The following PLEKHG6 variants were observed in gnomAD, a reference collection of about 807,000 sequenced individuals.
The protein encoded by PLEKHG6 is pleckstrin homology domain-containing family G member 6.
A neutral mutation model predicts 97.5 loss-of-function variants in PLEKHG6; 91 were observed. The ratio of observed to expected loss-of-function variants is 0.93; its 90% confidence interval spans 0.79 to 1.11. PLEKHG6 has a LOEUF of 1.11. Ranked by LOEUF, PLEKHG6 falls within the 50% of genes most tolerant of loss-of-function variation. PLEKHG6 has a pLI of 0.00. For missense variants in PLEKHG6, 1,044 were observed against 1,031.0 expected (o/e 1.01, Z -0.17); for synonymous variants, 466 against 425.5 (o/e 1.10, Z -1.17).
intron 13 of PLEKHG6, among the ~76,000 whole-genome samples, chr12:6,323,984 G>GC (rs1363641215): frequency 1.4e-4 from 21 of 152,094 alleles, no homozygotes; most frequent in Admixed American, 1.2e-3. Context: ...GAATCTAGGA[G>GC]CCACCCCAGA....
rs1438656919 is a variant in PLEKHG6, at chr12:6,318,854, T to C, written c.1385T>C (p.Val462Ala). ...IRPPLMLEKL[V>A]CQPLRDPNSF... ...CCCCCTCTCATGCTGGAGAAGCTCG[T>C]GTGCCAACCCCTGCGAGACCCCAGT... Residue 462 changes from valine to alanine, a missense_variant, in exon 12 of 16, where the codon GTG becomes GCG. Physicochemically the swap from Val to Ala is moderately conservative, Grantham distance 64. Coordinates refer to ENST00000684764, the MANE Select transcript of PLEKHG6 (RefSeq NM_001384598.1). The C allele has an allele frequency of 6.2e-7, 1 of 1,614,236 alleles. No homozygotes were observed. Among genetic ancestry groups the C allele is most frequent in the South Asian group, 1.1e-5 (1 of 91,086 alleles).
Position 6,319,454 on chromosome 12 carries a change from A to G in PLEKHG6, c.1524+346A>G, listed in dbSNP as rs1245197753. On this transcript the variant is annotated intron_variant, in intron 13 of 15. Coordinates refer to ENST00000684764, the MANE Select transcript of PLEKHG6 (RefSeq NM_001384598.1). ...CAGAGTGAGACCCTGAAGAAGAAGG[A>G]AAAAAAAAAGAATGTAGGAAGGAAG... 33 of 1,147,014 alleles carry G rather than the reference A, an allele frequency of 2.9e-5. 1 individual carries two copies. The South Asian group carries it at 5.4e-4, about 19-fold the overall frequency. 71.1% of individuals were successfully genotyped at this position (1,147,014 alleles called of 1,614,324 possible).
chr12:6,316,254 G>A lies in PLEKHG6; in HGVS notation c.607-1G>A, dbSNP rs778526014. On this transcript the variant is annotated splice_acceptor_variant, in intron 6 of 15. Coordinates refer to ENST00000684764, the MANE Select transcript of PLEKHG6 (RefSeq NM_001384598.1). LOFTEE classifies it high-confidence loss of function. The surrounding 1 kb of genome is among the most constrained non-coding windows in gnomAD (Gnocchi z 4.1). ...CTGCTCAGCTCTGCTCCCTCCTCCA[G>A]GTGTCAGCTGAGACCCTGTTTGGAA... The A allele has an allele frequency of 1.9e-6, 3 of 1,550,716 alleles. No homozygotes were observed. The East Asian group carries it at 7.2e-5, about 37-fold the overall frequency.
intron 3 of PLEKHG6, 33 bp from the exon 4 acceptor site, chr12:6,314,972 G>A (rs779446110): frequency 1.0e-5 from 16 of 1,604,646 alleles, no homozygotes; most frequent in Non-Finnish European, 1.3e-5. Flanking sequence ...CCAAGGATGT[G>A]ACCAGAGCTG....
At position 6,316,010 on chromosome 12, in the gene PLEKHG6, C is replaced by T; in HGVS notation, c.606+91C>T. Reference sequence around the variant, plus strand: ...CCCTCCAGCCATCCCTGTCTGAATTCCCACTGCCCCGTTTTTTGGGATGCC... The same window carrying T: ...CCCTCCAGCCATCCCTGTCTGAATTTCCACTGCCCCGTTTTTTGGGATGCC... On this transcript the variant is annotated intron_variant, in intron 6 of 15. Coordinates refer to ENST00000684764, the MANE Select transcript of PLEKHG6 (RefSeq NM_001384598.1). The surrounding 1 kb of genome is among the most constrained non-coding windows in gnomAD (Gnocchi z 4.1). The T allele has an allele frequency of 1.6e-6, 2 of 1,231,102 alleles. No homozygotes were observed. The highest frequency in any genetic ancestry group is 2.3e-6 in the Non-Finnish European group (2 of 880,404). 76.3% of individuals were successfully genotyped at this position (1,231,102 alleles called of 1,614,324 possible). A position where few individuals can be genotyped will look rare whatever the true frequency, so the allele number is the denominator to read the frequency against.
Position 6,313,525 on chromosome 12 carries a change from G to C in PLEKHG6, c.139-104G>C, listed in dbSNP as rs1039078490. ...AGAAGTGAGCCAGCCCGACTTACCAGGGTGGGGGAACAACATCTAGAGCCA... is the reference window on the plus strand; with the variant it reads ...AGAAGTGAGCCAGCCCGACTTACCACGGTGGGGGAACAACATCTAGAGCCA... On this transcript the variant is annotated intron_variant, in intron 2 of 15. Transcript: ENST00000684764. 1.7e-5 allele frequency: 23 copies of C among 1,369,322 alleles called. No homozygotes were observed. In the Admixed American group the frequency reaches 2.3e-4, roughly 13 times the overall value. The allele number at this position is 1,369,322 out of a possible 1,614,324, so 84.8% of individuals were successfully genotyped here. A position where few individuals can be genotyped will look rare whatever the true frequency, so the allele number is the denominator to read the frequency against.
chr12:6,318,922 C>A, intron 12 of PLEKHG6, 45 bp downstream of exon 12: 6 of 1,612,744 alleles, frequency 3.7e-6, no homozygotes, highest in South Asian at 1.1e-5. Context: ...CTCTTCTCAG[C>A]GAGGGGAAGG....
At position 6,327,479 on chromosome 12, in the gene PLEKHG6, T is replaced by TGGGGGG; in HGVS notation, c.1896_1897insGGGGGG (p.Arg632_Pro633insGlyGly). ...TGGAACTCCGGGACATCCCTCTGCGTCCCCACCCTCCCGACCCCCAAGCTC... is the reference window on the plus strand; with the variant it reads ...TGGAACTCCGGGACATCCCTCTGCGTGGGGGGCCCCACCCTCCCGACCCCCAAGCTC... On this transcript the variant is annotated inframe_insertion, in exon 15 of 16. Transcript: ENST00000684764. 2.5e-6 allele frequency: 4 copies of TGGGGGG among 1,603,220 alleles called. No individual in the cohort carries two copies. The highest frequency in any genetic ancestry group is 1.3e-5 in the African/African-American group (1 of 74,596).
chr12:6,316,000 T>C lies in PLEKHG6; in HGVS notation c.606+81T>C, dbSNP rs1308319832. 1.5e-6 allele frequency: 2 copies of C among 1,307,202 alleles called. No individual in the cohort carries two copies. The highest frequency in any genetic ancestry group is 1.5e-5 in the African/African-American group (1 of 67,690). The allele number at this position is 1,307,202 out of a possible 1,614,324, so 81.0% of individuals were successfully genotyped here. ...TGAGGGTGGGCCCTCCAGCCATCCCTGTCTGAATTCCCACTGCCCCGTTTT... is the reference window on the plus strand; with the variant it reads ...TGAGGGTGGGCCCTCCAGCCATCCCCGTCTGAATTCCCACTGCCCCGTTTT... On this transcript the variant is annotated intron_variant, in intron 6 of 15. Coordinates refer to ENST00000684764, the MANE Select transcript of PLEKHG6 (RefSeq NM_001384598.1). The surrounding 1 kb of genome is among the most constrained non-coding windows in gnomAD (Gnocchi z 4.5).
rs975182871 is a variant in PLEKHG6 at position 6,317,949 on chromosome 12, C to T, written c.1110C>T (p.Ile370=). 53 of 1,582,572 alleles carry T rather than the reference C, an allele frequency of 3.3e-5. No individual in the cohort carries two copies. The South Asian group carries it at 3.8e-4, about 11-fold the overall frequency. ...QESLAAAAQR[I]GPYEVLEPPS... Reference sequence around the variant, plus strand: ...GCTTGGCGGCTGCAGCACAACGCATCGGGCCCTACGAGGTGCTGGAGCCAC... The same window carrying T: ...GCTTGGCGGCTGCAGCACAACGCATTGGGCCCTACGAGGTGCTGGAGCCAC... The change falls in exon 10 of 16, where the codon ATC becomes ATT. Residue 370 remains isoleucine (I), a synonymous_variant. Transcript: ENST00000684764.
intron 1 of PLEKHG6, chr12:6,311,180 G>C (rs1284251401): frequency 6.6e-6 from 1 of 152,282 alleles, no homozygotes; most frequent in African/African-American, 2.4e-5. Context: ...CCGCCCCTTA[G>C]GAGGCCTCTC....
At chr12:6,325,187 C>A (rs1368767366) in intron 13 of PLEKHG6, among the ~76,000 whole-genome samples, 2 of 152,120 alleles carry the variant, frequency 1.3e-5, no homozygotes, top group East Asian at 1.9e-4. Context: ...CCCCCTCCCC[C>A]TCCCCAAGCC....
In PLEKHG6 at chr12:6,315,837, G is replaced by A; in HGVS notation, c.556-32G>A. ...GGTGACGACACTGAAGGGCTGCGCT[G>A]GGTCCTGAGACCCTCGTCTCCCTCC... On this transcript the variant is annotated intron_variant, in intron 5 of 15. Coordinates refer to ENST00000684764, the MANE Select transcript of PLEKHG6 (RefSeq NM_001384598.1). This position sits in a 1 kb window ranked among gnomAD's most constrained non-coding sequence, Gnocchi z 4.5. 4 of 1,543,736 alleles carry A rather than the reference G, an allele frequency of 2.6e-6. No homozygotes were observed. The highest frequency in any genetic ancestry group is 3.5e-6 in the Non-Finnish European group (4 of 1,141,360).
At chr12:6,324,171 G>C (rs932383901) in intron 13 of PLEKHG6, among the ~76,000 whole-genome samples, 2 of 152,112 alleles carry the variant, frequency 1.3e-5, no homozygotes, top group Middle Eastern at 3.4e-3. Context: ...TAACCAAGCC[G>C]AGAAAATTCT....
intron 13 of PLEKHG6, among the ~76,000 whole-genome samples, chr12:6,321,381 AG>A (rs1947694577): frequency 6.6e-6 from 1 of 152,118 alleles, no homozygotes. Context: ...TTAGGTTTTC[AG>A]GAAATCAGGT....
In PLEKHG6 at chr12:6,313,623, T is replaced by A; in HGVS notation, c.139-6T>A. The A allele has an allele frequency of 6.2e-7, 1 of 1,613,864 alleles. No individual in the cohort carries two copies. Among genetic ancestry groups the A allele is most frequent in the African/African-American group, 1.3e-5 (1 of 75,024 alleles). On this transcript the variant is annotated splice_polypyrimidine_tract_variant and splice_region_variant and intron_variant, in intron 2 of 15. Coordinates refer to ENST00000684764, the MANE Select transcript of PLEKHG6 (RefSeq NM_001384598.1). Reference sequence around the variant, plus strand: ...ACCCCCAGAACTTCCCCTGCTCCTCTCCCAGGATCCCAGTCGCCGACGCCT... The same window carrying A: ...ACCCCCAGAACTTCCCCTGCTCCTCACCCAGGATCCCAGTCGCCGACGCCT...
rs184549993 is a variant in PLEKHG6 at position 6,327,867 on chromosome 12, C to A, written c.2284C>A (p.Pro762Thr). The change falls in exon 15 of 16, where the codon CCA becomes ACA. Residue 762 changes from proline to threonine, a missense_variant. Pro to Thr is a conservative substitution (Grantham distance 38). Transcript: ENST00000684764. The stretch of plus-strand genomic sequence containing the variant: ...GGCCGAGGAGCCCCGGGACAGCAGG[C>A]CACGGAAGCTGACTCGGGCCCAGCT... Reference protein sequence around the residue: ...EGAEEPRDSRPRKLTRAQLQR... With the variant: ...EGAEEPRDSRTRKLTRAQLQR... 6.7e-6 allele frequency: 10 copies of A among 1,500,500 alleles called. No individual in the cohort carries two copies. In the African/African-American group the frequency reaches 9.8e-5, roughly 15 times the overall value. 92.9% of individuals were successfully genotyped at this position (1,500,500 alleles called of 1,614,324 possible). A position where few individuals can be genotyped will look rare whatever the true frequency, so the allele number is the denominator to read the frequency against.
rs772456454 is a variant in PLEKHG6 at position 6,317,959 on chromosome 12, G to A, written c.1120G>A (p.Glu374Lys). ...TGCAGCACAACGCATCGGGCCCTAC[G>A]AGGTGCTGGAGCCACCCAGTGATGA... ...AAAAQRIGPY[E>K]VLEPPSDEVE... Residue 374 changes from glutamate to lysine, a missense_variant, in exon 10 of 16, where the codon GAG becomes AAG. By Grantham distance (56) the Glu-to-Lys change is moderately conservative. Coordinates refer to ENST00000684764, the MANE Select transcript of PLEKHG6 (RefSeq NM_001384598.1). 13 of 1,587,274 alleles carry A rather than the reference G, an allele frequency of 8.2e-6. No individual in the cohort carries two copies. The highest frequency in any genetic ancestry group is 4.5e-5 in the East Asian group (2 of 44,004).
At chr12:6,326,979 A>C (rs1380948958) in intron 14 of PLEKHG6, among the ~76,000 whole-genome samples, 2 of 152,192 alleles carry the variant, frequency 1.3e-5, no homozygotes, top group South Asian at 2.1e-4. Context: ...GGATAATATC[A>C]GGTAAGTTCA....
Sources: allele counts gnomAD v4.1 joint callset (sites outside exome capture counted in the v4.1 genomes callset), GRCh38; gene constraint gnomAD v4.1.1; non-coding constraint Gnocchi (gnomAD v3.1); transcripts MANE v1.5; gene names NCBI Gene and HGNC (gene_info 2026-07-23, HGNC 2026-07-21).